Variants in GALNT13 observed in about 807,000 individuals in gnomAD.
GALNT13 encodes the protein UDP-GalNAc:polypeptide N-acetylgalactosaminyltransferase 13.
GALNT13 carries 28 observed loss-of-function variants against 64.2 expected under a neutral mutation model. The ratio of observed to expected loss-of-function variants is 0.44; its 90% CI spans 0.32 to 0.60. The LOEUF (loss-of-function observed/expected upper bound fraction) is 0.60, where lower values mean the gene tolerates loss of function less well. GALNT13 is among the 20% of genes least tolerant of loss of function. The pLI is 0.05. For synonymous variants in GALNT13, 214 were observed against 224.6 expected (o/e 0.95, Z 0.42); for missense variants, 577 against 669.8 (o/e 0.86, Z 1.53).
chr2:153,949,516 GA>G (rs201346677), intron 3 of GALNT13, among the ~76,000 whole-genome samples: 22 of 133,794 alleles, frequency 1.6e-4, no homozygotes, highest in South Asian at 9.2e-4. Context: ...TCTCAAAAAA[GA>G]AAAAAAAAAA....
At chr2:153,925,405 G>T (rs1183160424) in intron 2 of GALNT13, among the ~76,000 whole-genome samples, 2 of 151,574 alleles carry the variant, frequency 1.3e-5, no homozygotes, top group African/African-American at 4.8e-5. Flanking sequence ...CTGTTCCATT[G>T]GTCTATGTGT....
intron 2 of GALNT13, among the ~76,000 whole-genome samples, chr2:153,926,816 TTTC>T (rs1371666994): frequency 1.6e-4 from 24 of 152,244 alleles, no homozygotes; most frequent in Admixed American, 1.4e-3. Flanking sequence ...TATTGGTGAT[TTTC>T]TTATTACTTT....
chr2:153,650,668 A>G, the GALNT13 span, among the ~76,000 whole-genome samples: 1 of 152,154 alleles, frequency 6.6e-6, no homozygotes, highest in African/African-American at 2.4e-5. Flanking sequence ...TGGTGGTGAC[A>G]AAATCTCAGC....
intron 2 of GALNT13, among the ~76,000 whole-genome samples, chr2:153,943,300 A>G (rs1691471052): frequency 6.6e-6 from 1 of 152,118 alleles, no homozygotes; most frequent in Admixed American, 6.6e-5. Context: ...TTATGTTAAT[A>G]TATTTTTCCC....
chr2:153,984,840 T>G lies in GALNT13; in HGVS notation c.142+40201T>G, dbSNP rs562315154. On this transcript the variant is annotated intron_variant, in intron 3 of 12. Coordinates refer to ENST00000392825, the MANE Select transcript of GALNT13 (RefSeq NM_052917.4). ...TGGATAGTTTTCAACACTATCAGGT[T>G]CACTGATCTTATCTTCTGCAGTATT... 1.5e-4 allele frequency among the ~76,000 whole-genome samples: 23 copies of G among 152,074 alleles called. No homozygotes were observed. The South Asian group carries it at 3.9e-3, about 26-fold the overall frequency.
the GALNT13 span, among the ~76,000 whole-genome samples, chr2:153,180,136 C>T: frequency 6.6e-6 from 1 of 152,196 alleles, no homozygotes; most frequent in South Asian, 2.1e-4. Context: ...CAATTTTTCA[C>T]TGTTATTTAT....
chr2:153,605,131 C>A, the GALNT13 span, among the ~76,000 whole-genome samples: 2 of 152,076 alleles, frequency 1.3e-5, no homozygotes, highest in East Asian at 1.9e-4. Context: ...AAATGAAAAG[C>A]CTGTGTGCTC....
chr2:153,182,863 T>C, the GALNT13 span, among the ~76,000 whole-genome samples: 1 of 152,250 alleles, frequency 6.6e-6, no homozygotes, highest in Non-Finnish European at 1.5e-5. Context: ...AGTCTATCAC[T>C]GATGAGCATT....
the GALNT13 span, among the ~76,000 whole-genome samples, chr2:153,537,873 A>C: frequency 6.6e-6 from 1 of 152,162 alleles, no homozygotes; most frequent in Admixed American, 6.5e-5. Flanking sequence ...GAGTTAGTTA[A>C]ATCTCTTTCT....
the GALNT13 span, among the ~76,000 whole-genome samples, chr2:153,181,030 C>CTTT: frequency 0.26 from 8,324 of 31,530 alleles, 1,618 homozygotes; most frequent in East Asian, 0.48. Context: ...TTTATTGTTT[C>CTTT]TTTTTTTTTT....
At chr2:153,443,642 G>A in the GALNT13 span, among the ~76,000 whole-genome samples, 1 of 152,044 alleles carries the variant, frequency 6.6e-6, no homozygotes, top group African/African-American at 2.4e-5. Context: ...AATTTCCCAG[G>A]CCAGGTGCGG....
chr2:153,110,126 T>C, the GALNT13 span, among the ~76,000 whole-genome samples: 572 of 152,264 alleles, frequency 3.8e-3, 2 homozygotes, highest in African/African-American at 0.013. Context: ...TATGTTACTT[T>C]TTGATGAAAC....
At chr2:153,353,307 T>C in the GALNT13 span, among the ~76,000 whole-genome samples, 1 of 152,174 alleles carries the variant, frequency 6.6e-6, no homozygotes, top group African/African-American at 2.4e-5. Context: ...TCTTGCATTC[T>C]GCAACCTTGC....
chr2:154,122,617 A>G (rs1342542480), intron 3 of GALNT13, among the ~76,000 whole-genome samples: 2 of 151,898 alleles, frequency 1.3e-5, no homozygotes, highest in African/African-American at 2.4e-5. Flanking sequence ...AGGATTATTC[A>G]GGTTATGTAT....
chr2:153,397,518 T>C, the GALNT13 span, among the ~76,000 whole-genome samples: 1 of 152,112 alleles, frequency 6.6e-6, no homozygotes, highest in African/African-American at 2.4e-5. Context: ...TAGAGAAAGA[T>C]TTATCTCACT....
chr2:153,726,606 T>C, the GALNT13 span, among the ~76,000 whole-genome samples: 1 of 152,162 alleles, frequency 6.6e-6, no homozygotes, highest in Non-Finnish European at 1.5e-5. Context: ...TATGTACGAA[T>C]AAACCACGTC....
At chr2:153,567,965 T>C in the GALNT13 span, among the ~76,000 whole-genome samples, 3 of 152,336 alleles carry the variant, frequency 2.0e-5, no homozygotes, top group East Asian at 5.8e-4. Context: ...ATCTGGGGAA[T>C]GCAAGACAGA....
At chr2:153,621,126 CT>C in the GALNT13 span, among the ~76,000 whole-genome samples, 1 of 152,170 alleles carries the variant, frequency 6.6e-6, no homozygotes, top group South Asian at 2.1e-4. Context: ...CCGTCTCTCT[CT>C]CTCTCTCTCC....
At chr2:153,455,081 A>G in the GALNT13 span, among the ~76,000 whole-genome samples, 2 of 152,168 alleles carry the variant, frequency 1.3e-5, no homozygotes, top group Non-Finnish European at 2.9e-5. Context: ...CATTGGGGAT[A>G]GGAAGGAAGG....
Sources: allele counts gnomAD v4.1 joint callset (sites outside exome capture counted in the v4.1 genomes callset), GRCh38; gene constraint gnomAD v4.1.1; transcripts MANE v1.5; gene names NCBI Gene and HGNC (gene_info 2026-07-23, HGNC 2026-07-21).